RBFOX3: variants seen among roughly 807,000 people sequenced by gnomAD.
RBFOX3 encodes the protein RNA binding fox-1 homolog 3, also known as RNA binding protein fox-1 homolog 3.
Under a neutral mutation model 48.7 loss-of-function variants are expected in RBFOX3, and 17 were observed. The ratio of observed to expected loss-of-function variants is 0.35; its 90% confidence interval spans 0.24 to 0.52. The LOEUF (loss-of-function observed/expected upper bound fraction) is 0.52. Among genes scored for constraint, RBFOX3 ranks in the 20% least tolerant of loss-of-function variants. The pLI, the probability that RBFOX3 is intolerant of heterozygous loss-of-function variation, is 0.94. For synonymous variants in RBFOX3, 212 were observed against 209.5 expected (o/e 1.01, Z -0.10); for missense variants, 382 against 497.5 (o/e 0.77, Z 2.21).
rs1237444805 is a variant in RBFOX3, at chr17:79,471,531, C to T, written c.-175+10923G>A. Among the ~76,000 whole-genome samples, 2 of 152,114 alleles carry T rather than the reference C, an allele frequency of 1.3e-5. No individual in the cohort carries two copies. Among genetic ancestry groups the T allele is most frequent in the Non-Finnish European group, 2.9e-5 (2 of 68,018 alleles). ...CATTTGTTTTGGTGGCTGAGGCAGC[C>T]GCCAGTTACCCAGTACTGTGGGTAC... is the stretch of plus-strand genomic sequence containing the variant. On this transcript the variant is annotated intron_variant, in intron 2 of 14. Coordinates refer to ENST00000693108, the MANE Select transcript of RBFOX3 (RefSeq NM_001350451.2). The surrounding 1 kb of genome is among the most constrained non-coding windows in gnomAD (Gnocchi z 4.0).
intron 1 of RBFOX3, among the ~76,000 whole-genome samples, chr17:79,559,471 T>C (rs1056386689): frequency 6.7e-6 from 1 of 148,832 alleles, no homozygotes; most frequent in Admixed American, 6.7e-5. Context: ...GACTGATGGA[T>C]ACTGCATGAT....
At position 79,585,312 on chromosome 17, in the gene RBFOX3, C is replaced by T. The variant is rs1038180012; in HGVS notation, c.-320+25514G>A. Among the ~76,000 whole-genome samples, 118 of 152,062 alleles carry T rather than the reference C, an allele frequency of 7.8e-4. 3 individuals carry two copies. In the South Asian group the frequency reaches 0.018, roughly 23 times the overall value. ...GGCTCACGCCTGTAATCCCAGCAAT[C>T]TGGGAGGCTGAGGCGGGTGCATCAC... is the stretch of plus-strand genomic sequence containing the variant. On this transcript the variant is annotated intron_variant, in intron 1 of 14. Coordinates refer to ENST00000693108, the MANE Select transcript of RBFOX3 (RefSeq NM_001350451.2).
chr17:79,308,628 T>C (rs1010600609), intron 2 of RBFOX3, among the ~76,000 whole-genome samples: 2 of 152,172 alleles, frequency 1.3e-5, no homozygotes, highest in Non-Finnish European at 2.9e-5. Context: ...TGATGGTATT[T>C]GAAGGTGGGG....
At position 79,535,629 on chromosome 17, in the gene RBFOX3, C is replaced by G. The variant is rs12944984; in HGVS notation, c.-319-53031G>C. ...GGTCCTGGCCAGACCACATTCTGGGCGGACAAGGCAGGATAGCCAGCCCAC... is the reference window on the plus strand; with the variant it reads ...GGTCCTGGCCAGACCACATTCTGGGGGGACAAGGCAGGATAGCCAGCCCAC... On this transcript the variant is annotated intron_variant, in intron 1 of 14. Transcript: ENST00000693108. This position sits in a 1 kb window ranked among gnomAD's most constrained non-coding sequence, Gnocchi z 4.5. 0.2 allele frequency among the ~76,000 whole-genome samples: 29,830 copies of G among 152,096 alleles called. 5,560 individuals are homozygous for G. Among genetic ancestry groups the G allele is most frequent in the African/African-American group, 0.49 (20,472 of 41,436 alleles).
At chr17:79,317,730 C>T (rs1247418360) in intron 2 of RBFOX3, among the ~76,000 whole-genome samples, 1 of 151,996 alleles carries the variant, frequency 6.6e-6, no homozygotes, top group Non-Finnish European at 1.5e-5. Context: ...GTACTTTAGG[C>T]ACTTGTTATG....
At chr17:79,354,279 G>A (rs1470460213) in intron 2 of RBFOX3, among the ~76,000 whole-genome samples, 1 of 152,208 alleles carries the variant, frequency 6.6e-6, no homozygotes, top group Non-Finnish European at 1.5e-5. Context: ...ATGCATGGCG[G>A]TGTCACCGCC....
At chr17:79,348,571 CTTTTTTTTTT>C (rs71358701) in intron 2 of RBFOX3, among the ~76,000 whole-genome samples, 24 of 75,168 alleles carry the variant, frequency 3.2e-4, no homozygotes, top group South Asian at 1.2e-3. Flanking sequence ...TTTTCTTTTC[CTTTTTTTTTT>C]TTTTTTTTTT....
the RBFOX3 span, among the ~76,000 whole-genome samples, chr17:79,620,204 C>T: frequency 2.7e-5 from 4 of 148,652 alleles, no homozygotes; most frequent in African/African-American, 9.9e-5. Context: ...CACACACGTG[C>T]ACATGCACAC....
At chr17:79,097,511 C>A in intron 10 of RBFOX3, 87 bp from the exon 11 acceptor site, 2 of 1,416,390 alleles carry the variant, frequency 1.4e-6, no homozygotes, top group Non-Finnish European at 9.3e-7. Flanking sequence ...CCCCCCCGCG[C>A]ACCTAGCCCC....
At position 79,368,952 on chromosome 17, in the gene RBFOX3, G is replaced by T. The variant is rs1354148040; in HGVS notation, c.-174-61128C>A. ...GGGCCCATGACAGGATGCAGCCATG[G>T]GCTTCACGAAGGCAGGAAAAGGCAG... On this transcript the variant is annotated intron_variant, in intron 2 of 14. Coordinates refer to ENST00000693108, the MANE Select transcript of RBFOX3 (RefSeq NM_001350451.2). 2.0e-5 allele frequency among the ~76,000 whole-genome samples: 3 copies of T among 152,180 alleles called. No individual in the cohort carries two copies. In the East Asian group the frequency reaches 5.8e-4, roughly 29 times the overall value.
chr17:79,091,079 C>G (rs967269419), intron 14 of RBFOX3, among the ~76,000 whole-genome samples, 194 bp from the exon 15 acceptor site: 2 of 152,180 alleles, frequency 1.3e-5, no homozygotes, highest in Non-Finnish European at 2.9e-5. Context: ...CCAGGCAGCC[C>G]AGGATGGGAG....
chr17:79,319,769 G>C (rs2078171787), intron 2 of RBFOX3, among the ~76,000 whole-genome samples: 1 of 150,840 alleles, frequency 6.6e-6, no homozygotes, highest in African/African-American at 2.4e-5. Context: ...TCCTGTCTGG[G>C]CTGCTGGTCT....
In RBFOX3 at chr17:79,390,681, T is replaced by G. The variant is rs1050519084; in HGVS notation, c.-174-82857A>C. ...TAGTAGAGACAGGGTTTCGCCATGTTGGCCAGGCTGGTCTCGAACTCCTTA... is the reference window on the plus strand; with the variant it reads ...TAGTAGAGACAGGGTTTCGCCATGTGGGCCAGGCTGGTCTCGAACTCCTTA... On this transcript the variant is annotated intron_variant, in intron 2 of 14. Transcript: ENST00000693108. This position sits in a 1 kb window ranked among gnomAD's most constrained non-coding sequence, Gnocchi z 4.2. 1.3e-5 allele frequency among the ~76,000 whole-genome samples: 2 copies of G among 152,230 alleles called. No homozygotes were observed. Among genetic ancestry groups the G allele is most frequent in the Non-Finnish European group, 2.9e-5 (2 of 68,044 alleles).
the RBFOX3 span, among the ~76,000 whole-genome samples, chr17:79,662,819 T>C: frequency 6.6e-6 from 1 of 152,134 alleles, no homozygotes; most frequent in African/African-American, 2.4e-5. Context: ...GGGGAAGGCA[T>C]CTGTGGAGTG....
intron 4 of RBFOX3, among the ~76,000 whole-genome samples, chr17:79,218,555 G>T (rs1355419982): frequency 1.3e-5 from 2 of 152,196 alleles, no homozygotes; most frequent in African/African-American, 4.8e-5. Context: ...CTGGGAGGAA[G>T]ACCCCCAGAG....
rs2062551649 is a variant in RBFOX3 at position 79,242,599 on chromosome 17, G to A, written c.-73-6794C>T. ...GGAAGGGAGCATAGGGCAGGAGAGG[G>A]CAGGGGAGGGAATCTGGCTTATGGC... On this transcript the variant is annotated intron_variant, in intron 3 of 14. Transcript: ENST00000693108. This position sits in a 1 kb window ranked among gnomAD's most constrained non-coding sequence, Gnocchi z 5.8. Among the ~76,000 whole-genome samples, 1 of 151,932 alleles carries A rather than the reference G, an allele frequency of 6.6e-6. No individual in the cohort carries two copies. The highest frequency in any genetic ancestry group is 1.5e-5 in the Non-Finnish European group (1 of 67,984).
chr17:79,588,141 G>A (rs1425103540), intron 1 of RBFOX3, among the ~76,000 whole-genome samples: 2 of 152,184 alleles, frequency 1.3e-5, no homozygotes, highest in Admixed American at 6.5e-5. Context: ...CCTGAGTTGG[G>A]TCTTGAGGCA....
intron 4 of RBFOX3, among the ~76,000 whole-genome samples, chr17:79,179,559 T>TG: frequency 6.6e-6 from 1 of 151,940 alleles, no homozygotes; most frequent in Non-Finnish European, 1.5e-5. Context: ...TTACAATACT[T>TG]GAAGGCACTC....
chr17:79,605,514 G>A (rs1472880392), intron 1 of RBFOX3, among the ~76,000 whole-genome samples: 4 of 152,100 alleles, frequency 2.6e-5, no homozygotes, highest in Admixed American at 6.6e-5. Flanking sequence ...AGAGACCTGC[G>A]CATACAGAGC....
Sources: allele counts gnomAD v4.1 joint callset (sites outside exome capture counted in the v4.1 genomes callset), GRCh38; gene constraint gnomAD v4.1.1; non-coding constraint Gnocchi (gnomAD v3.1); transcripts MANE v1.5; gene names NCBI Gene and HGNC (gene_info 2026-07-23, HGNC 2026-07-21).